The following TMTC2 variants were observed in gnomAD, a reference collection of about 807,000 sequenced individuals.
TMTC2 encodes protein O-mannosyl-transferase TMTC2.
TMTC2 carries 43 observed loss-of-function variants against 82.4 expected under a neutral mutation model. That is an observed-to-expected ratio of 0.52 (90% CI 0.41 to 0.67). The LOEUF is 0.67. TMTC2 is among the 30% of genes least tolerant of loss of function. TMTC2 has a pLI of 0.00. For synonymous variants in TMTC2, 408 were observed against 381.9 expected, an observed-to-expected ratio of 1.07 and a Z score of -0.80; for missense variants, 919 against 1,012.4, an observed-to-expected ratio of 0.91 and a Z score of 1.25.
At chr12:82,991,678 G>T (rs748031437) in intron 8 of TMTC2, among the ~76,000 whole-genome samples, 4 of 152,084 alleles carry the variant, frequency 2.6e-5, no homozygotes, top group African/African-American at 4.8e-5. Context: ...AGTTTGAATT[G>T]CTCTGCTTAA....
At chr12:83,094,632 G>C (rs1287663947) in intron 11 of TMTC2, among the ~76,000 whole-genome samples, 1 of 152,164 alleles carries the variant, frequency 6.6e-6, no homozygotes, top group Non-Finnish European at 1.5e-5. Flanking sequence ...AAAAAGACTT[G>C]AACTAGGGCA....
intron 1 of TMTC2, among the ~76,000 whole-genome samples, chr12:82,720,110 A>G (rs1003880081): frequency 2.6e-5 from 4 of 152,126 alleles, no homozygotes; most frequent in Non-Finnish European, 5.9e-5. Flanking sequence ...TTTAAACTCA[A>G]ACTCAATGGT....
chr12:83,014,661 A>T (rs1464851274), intron 8 of TMTC2, among the ~76,000 whole-genome samples: 1 of 152,312 alleles, frequency 6.6e-6, no homozygotes, highest in East Asian at 1.9e-4. Context: ...AACTAAAATA[A>T]CCATGTACAT....
At chr12:83,089,137 T>C (rs963270442) in intron 11 of TMTC2, among the ~76,000 whole-genome samples, 8 of 152,152 alleles carry the variant, frequency 5.3e-5, no homozygotes, top group African/African-American at 1.9e-4. Context: ...GAGTCAAATA[T>C]CGGTCATCAT....
chr12:82,850,550 C>T (rs1008158400), intron 1 of TMTC2, among the ~76,000 whole-genome samples: 1 of 151,900 alleles, frequency 6.6e-6, no homozygotes, highest in African/African-American at 2.4e-5. Context: ...GCGATGGGAC[C>T]AGGAGAGAAA....
At chr12:82,967,438 A>G (rs757627701) in intron 7 of TMTC2, among the ~76,000 whole-genome samples, 3 of 152,160 alleles carry the variant, frequency 2.0e-5, no homozygotes, top group Non-Finnish European at 4.4e-5. Flanking sequence ...CAGACAATAG[A>G]TATGCTACAA....
In TMTC2 at chr12:83,005,854, A is replaced by G. The variant is rs74654916; in HGVS notation, c.2070+19808A>G. On this transcript the variant is annotated intron_variant, in intron 8 of 11. Coordinates refer to ENST00000321196, the MANE Select transcript of TMTC2 (RefSeq NM_152588.3). ...AGATGTGCAGATCTGACACACCTTG[A>G]TATCTTAGGAAAGACAGCCCTGTTC... Among the ~76,000 whole-genome samples the G allele has an allele frequency of 6.5e-3, 992 of 152,312 alleles. 15 individuals are homozygous for G. Among genetic ancestry groups the G allele is most frequent in the African/African-American group, 0.023 (954 of 41,550 alleles).
At chr12:82,756,412 T>A (rs955570585) in intron 1 of TMTC2, among the ~76,000 whole-genome samples, 2 of 152,164 alleles carry the variant, frequency 1.3e-5, no homozygotes, top group Non-Finnish European at 2.9e-5. Context: ...AAAGAGAGGT[T>A]AGATGTGCTT....
At chr12:82,869,843 A>C in intron 2 of TMTC2, among the ~76,000 whole-genome samples, 1 of 151,782 alleles carries the variant, frequency 6.6e-6, no homozygotes, top group Non-Finnish European at 1.5e-5. Context: ...TGTCTCAAAA[A>C]AAAAAATAAA....
chr12:82,813,215 T>C (rs2137052099), intron 1 of TMTC2, among the ~76,000 whole-genome samples: 1 of 152,256 alleles, frequency 6.6e-6, no homozygotes, highest in African/African-American at 2.4e-5. Context: ...TGAATGCTTA[T>C]GTTTATTTGG....
intron 9 of TMTC2, among the ~76,000 whole-genome samples, chr12:83,033,528 A>G (rs530149963): frequency 5.9e-5 from 9 of 152,232 alleles, no homozygotes; most frequent in Non-Finnish European, 1.3e-4. Context: ...CGAGGCGGGC[A>G]GATCACTAGG....
Position 82,687,468 on chromosome 12 carries a change from C to A in TMTC2, c.-119C>A, listed in dbSNP as rs1431106717. The A allele has an allele frequency of 2.1e-6, 2 of 945,484 alleles. No homozygotes were observed. Among genetic ancestry groups the A allele is most frequent in the Non-Finnish European group, 3.2e-6 (2 of 621,378 alleles). 58.6% of individuals were successfully genotyped at this position (945,484 alleles called of 1,614,324 possible). ...ACCCGAGGGAGGGAGGGTGGGGAAG[C>A]GAGGGAAAAGTGAAGCTGGGAGGAG... On this transcript the variant is annotated 5_prime_UTR_variant, in exon 1 of 12. Transcript: ENST00000321196.
At chr12:82,792,236 T>C (rs533489536) in intron 1 of TMTC2, among the ~76,000 whole-genome samples, 1 of 152,254 alleles carries the variant, frequency 6.6e-6, no homozygotes, top group Admixed American at 6.5e-5. Context: ...ATAAAGCACC[T>C]ATCTTTCTAT....
intron 1 of TMTC2, among the ~76,000 whole-genome samples, chr12:82,853,000 A>G (rs1471022514): frequency 3.3e-5 from 5 of 152,080 alleles, no homozygotes; most frequent in African/African-American, 9.7e-5. Context: ...TTAGTATAGT[A>G]TGTTTTTCAC....
At chr12:82,721,731 A>G (rs1290931408) in intron 1 of TMTC2, among the ~76,000 whole-genome samples, 1 of 152,238 alleles carries the variant, frequency 6.6e-6, no homozygotes, top group African/African-American at 2.4e-5. Flanking sequence ...TTTATGGAAA[A>G]GTCAGTGTCT....
chr12:82,878,985 T>C (rs1565790245), intron 2 of TMTC2, among the ~76,000 whole-genome samples: 2 of 152,228 alleles, frequency 1.3e-5, no homozygotes, highest in Non-Finnish European at 2.9e-5. Context: ...TCGCTGTCTC[T>C]TGGTGAACAC....
chr12:82,756,564 A>G (rs1876338546), intron 1 of TMTC2, among the ~76,000 whole-genome samples: 1 of 152,212 alleles, frequency 6.6e-6, no homozygotes, highest in Non-Finnish European at 1.5e-5. Context: ...CTGCCTTTGA[A>G]TAATTAGCAT....
intron 7 of TMTC2, among the ~76,000 whole-genome samples, chr12:82,978,464 T>C (rs1044149996): frequency 7.9e-5 from 12 of 151,806 alleles, no homozygotes; most frequent in Admixed American, 2.0e-4. Context: ...TTTTGGTATA[T>C]ATGTTTAATT....
intron 1 of TMTC2, among the ~76,000 whole-genome samples, chr12:82,821,122 A>G (rs1456715293): frequency 6.6e-6 from 1 of 152,126 alleles, no homozygotes; most frequent in Non-Finnish European, 1.5e-5. Flanking sequence ...GTCTCACAAA[A>G]TGCTAGGATT....
Sources: gnomAD v4.1 joint callset for allele counts (sites outside exome capture counted in the v4.1 genomes callset) on GRCh38, gnomAD v4.1.1 for gene constraint, MANE v1.5 for transcripts, NCBI Gene and HGNC (gene_info 2026-07-23, HGNC 2026-07-21) for gene names.